Variants in CCDC73 observed in about 807,000 individuals in gnomAD.
The protein encoded by CCDC73 is coiled-coil domain containing 73, also known as coiled-coil domain-containing protein 73.
Under a neutral mutation model 116.5 loss-of-function variants are expected in CCDC73, and 95 were observed. The observed-to-expected ratio is 0.82, with a 90% CI of 0.69 to 0.97. The LOEUF is 0.97. CCDC73 is among the 50% of genes least tolerant of loss of function. CCDC73 has a pLI of 0.00. For synonymous variants in CCDC73, 398 were observed against 401.3 expected (o/e 0.99, Z 0.10); for missense variants, 1,066 against 1,206.8 (o/e 0.88, Z 1.73).
At chr11:32,675,698 A>C (rs1856081026) in intron 8 of CCDC73, 54 bp from the exon 9 acceptor site, 3 of 1,400,684 alleles carry the variant, frequency 2.1e-6, no homozygotes, top group Non-Finnish European at 3.0e-6. Flanking sequence ...TATTTCAAAG[A>C]AAGTATCATT....
intron 9 of CCDC73, among the ~76,000 whole-genome samples, chr11:32,655,575 G>A (rs1855864284): frequency 6.6e-6 from 1 of 152,158 alleles, no homozygotes; most frequent in African/African-American, 2.4e-5. Flanking sequence ...GAACTAATAA[G>A]ATATGACTGG....
intron 2 of CCDC73, among the ~76,000 whole-genome samples, chr11:32,742,019 T>C (rs2133357773): frequency 6.6e-6 from 1 of 152,306 alleles, no homozygotes; most frequent in African/African-American, 2.4e-5. Flanking sequence ...TAGTATTCCA[T>C]GGTGTATATG....
chr11:32,607,832 C>A (rs1005529755), intron 17 of CCDC73, among the ~76,000 whole-genome samples: 1 of 152,068 alleles, frequency 6.6e-6, no homozygotes, highest in East Asian at 1.9e-4. Flanking sequence ...ATAGGTTTAA[C>A]GGACTTACAG....
intron 1 of CCDC73, among the ~76,000 whole-genome samples, chr11:32,764,642 C>T (rs534889210): frequency 6.6e-6 from 1 of 152,308 alleles, no homozygotes; most frequent in Admixed American, 6.5e-5. Flanking sequence ...ACAACCAGTA[C>T]CAGCCACTGC....
At chr11:32,812,753 G>T in the CCDC73 span, among the ~76,000 whole-genome samples, 1 of 151,400 alleles carries the variant, frequency 6.6e-6, no homozygotes, top group Non-Finnish European at 1.5e-5. Flanking sequence ...TGGGAGGATT[G>T]CCTGAGCCTG....
At chr11:32,800,428 T>G in the CCDC73 span, among the ~76,000 whole-genome samples, 1 of 152,108 alleles carries the variant, frequency 6.6e-6, no homozygotes, top group Non-Finnish European at 1.5e-5. Flanking sequence ...CATCTATATA[T>G]TTTTAAAAGT....
intron 1 of CCDC73, among the ~76,000 whole-genome samples, chr11:32,771,262 A>G (rs1464785058): frequency 6.6e-6 from 1 of 152,158 alleles, no homozygotes; most frequent in Non-Finnish European, 1.5e-5. Context: ...TAAAACAACC[A>G]CCCATTTGCA....
At chr11:32,763,365 C>G (rs1037598505) in intron 1 of CCDC73, among the ~76,000 whole-genome samples, 2 of 152,240 alleles carry the variant, frequency 1.3e-5, no homozygotes, top group South Asian at 4.1e-4. Flanking sequence ...AGACTGATAC[C>G]TCACATGGCC....
In CCDC73 at chr11:32,774,650, C is replaced by T. The variant is rs116703528; in HGVS notation, c.-15-14392G>A. 8.8e-3 allele frequency among the ~76,000 whole-genome samples: 1,342 copies of T among 151,740 alleles called. 19 individuals carry two copies. The highest frequency in any genetic ancestry group is 0.031 in the African/African-American group (1,284 of 41,348). ...TGGAGAAAAGAAACAATGTGGACAG[C>T]AGAATTAAAAAAATAAAAAAATAAA... On this transcript the variant is annotated intron_variant, in intron 1 of 17. Transcript: ENST00000335185.
chr11:32,632,301 C>G (rs535459813), intron 14 of CCDC73, among the ~76,000 whole-genome samples: 24 of 152,326 alleles, frequency 1.6e-4, no homozygotes, highest in African/African-American at 5.8e-4. Context: ...TCTTGCCTCA[C>G]TGCAACCTCT....
chr11:32,704,073 G>A (rs1849835055), intron 3 of CCDC73, among the ~76,000 whole-genome samples: 1 of 152,300 alleles, frequency 6.6e-6, no homozygotes, highest in South Asian at 2.1e-4. Flanking sequence ...CCAAGGCTAC[G>A]GCTCTGCAAA....
chr11:32,740,284 A>C (rs1850172011), intron 2 of CCDC73, among the ~76,000 whole-genome samples: 1 of 151,830 alleles, frequency 6.6e-6, no homozygotes, highest in African/African-American at 2.4e-5. Context: ...TTCTTCTTTA[A>C]ATGGTTGATA....
intron 9 of CCDC73, 115 bp from the exon 10 acceptor site, chr11:32,655,087 T>TACTACTGG: frequency 3.3e-6 from 2 of 610,700 alleles, no homozygotes; most frequent in South Asian, 5.5e-5. Context: ...TTTGTTATAA[T>TACTACTGG]TCCCTTGCAA....
rs557226678 is a variant in CCDC73, at chr11:32,745,342, A to C, written c.135+14767T>G. Among the ~76,000 whole-genome samples the C allele has an allele frequency of 2.0e-5, 3 of 152,262 alleles. No individual in the cohort carries two copies. In the East Asian group the frequency reaches 5.8e-4, roughly 29 times the overall value. On this transcript the variant is annotated intron_variant, in intron 2 of 17. Transcript: ENST00000335185. ...CTTCCAATTATGTGGTCAATTTTAG[A>C]ATAAGTGCGATGTGGTGCCAAGAAG... is the stretch of plus-strand genomic sequence containing the variant.
chr11:32,742,120 C>A (rs902518481), intron 2 of CCDC73, among the ~76,000 whole-genome samples: 4 of 152,132 alleles, frequency 2.6e-5, no homozygotes, highest in Admixed American at 1.3e-4. Context: ...AATAAACATA[C>A]GTGTGCATGT....
In CCDC73 at chr11:32,759,301, T is replaced by C. The variant is rs115643126; in HGVS notation, c.135+808A>G. ...TTTAATGGGATTTGCACAATATAGA[T>C]AGCCTGCTGAAACCAACATTTTTTC... On this transcript the variant is annotated intron_variant, in intron 2 of 17. Transcript: ENST00000335185. Among the ~76,000 whole-genome samples, 1,042 of 151,388 alleles carry C rather than the reference T, an allele frequency of 6.9e-3. 15 individuals carry two copies. Among genetic ancestry groups the C allele is most frequent in the African/African-American group, 0.024 (980 of 41,256 alleles).
Position 32,666,884 on chromosome 11 carries a change from A to G in CCDC73, c.645+8681T>C, listed in dbSNP as rs192502991. 3.5e-3 allele frequency among the ~76,000 whole-genome samples: 539 copies of G among 152,070 alleles called. 6 individuals are homozygous for G. Among genetic ancestry groups the G allele is most frequent in the African/African-American group, 0.013 (520 of 41,468 alleles). On this transcript the variant is annotated intron_variant, in intron 9 of 17. Coordinates refer to ENST00000335185, the MANE Select transcript of CCDC73 (RefSeq NM_001008391.4). ...GTTAGTCTTCCTTCTAACAGTCAGGACCCTCAGCTGCAGGTCTGTTGGAGT... is the reference window on the plus strand; with the variant it reads ...GTTAGTCTTCCTTCTAACAGTCAGGGCCCTCAGCTGCAGGTCTGTTGGAGT...
At chr11:32,733,084 C>T (rs1352048372) in intron 2 of CCDC73, among the ~76,000 whole-genome samples, 2 of 151,736 alleles carry the variant, frequency 1.3e-5, no homozygotes, top group African/African-American at 4.8e-5. Context: ...ATCTACCAAG[C>T]AAATGGAAAA....
At chr11:32,793,697 G>A (rs373297804) in intron 1 of CCDC73, among the ~76,000 whole-genome samples, 4 of 151,806 alleles carry the variant, frequency 2.6e-5, no homozygotes, top group East Asian at 3.9e-4. Flanking sequence ...TGCAACCTCC[G>A]CCTCCCGGGT....
Sources: allele counts gnomAD v4.1 joint callset (sites outside exome capture counted in the v4.1 genomes callset), GRCh38; gene constraint gnomAD v4.1.1; transcripts MANE v1.5; gene names NCBI Gene and HGNC (gene_info 2026-07-23, HGNC 2026-07-21).